Variants in LHX3 observed in about 807,000 individuals in gnomAD.
LHX3 encodes LIM/homeobox protein Lhx3.
LHX3 carries 21 observed loss-of-function variants against 32.4 expected under a neutral mutation model. The ratio of observed to expected loss-of-function variants is 0.65; its 90% CI spans 0.46 to 0.93. LHX3 has a LOEUF of 0.93. LHX3 is among the 40% of genes least tolerant of loss of function. The probability of loss-of-function intolerance (pLI) is 0.00; values close to 1 mark genes in which losing one functional copy is unlikely to be tolerated. For synonymous variants in LHX3, 258 were observed against 246.8 expected (o/e 1.05, Z -0.43); for missense variants, 626 against 560.0 (o/e 1.12, Z -1.19).
chr9:136,205,033 G>A lies in LHX3; in HGVS notation c.-21C>T. ...AGCATCGCGGCCACCAGGCCGAGTGGCGCGAGACGCGCTCCTCCTAGGTCA... is the reference window on the plus strand; with the variant it reads ...AGCATCGCGGCCACCAGGCCGAGTGACGCGAGACGCGCTCCTCCTAGGTCA... On this transcript the variant is annotated 5_prime_UTR_variant, in exon 1 of 6. Coordinates refer to ENST00000371748, the MANE Select transcript of LHX3 (RefSeq NM_178138.6). The A allele has an allele frequency of 6.4e-7, 1 of 1,557,934 alleles. No homozygotes were observed. Among genetic ancestry groups the A allele is most frequent in the African/African-American group, 1.3e-5 (1 of 74,086 alleles).
intron 3 of LHX3, 23 bp downstream of exon 3, chr9:136,199,655 G>A: frequency 6.2e-7 from 1 of 1,611,742 alleles, no homozygotes; most frequent in Non-Finnish European, 8.5e-7. Flanking sequence ...AGGAAAGGTG[G>A]GAGCGTCGTC....
At chr9:136,198,870 A>G (rs1485615348) in intron 4 of LHX3, 38 bp downstream of exon 4, 3 of 1,592,216 alleles carry the variant, frequency 1.9e-6, no homozygotes, top group Non-Finnish European at 2.6e-6. Context: ...GGGGCCCCCA[A>G]GGCCGCGGGC....
chr9:136,201,735 T>TC (rs1186756830), intron 1 of LHX3: 2 of 979,566 alleles, frequency 2.0e-6, no homozygotes, highest in Non-Finnish European at 1.2e-6. Context: ...GGGCTGCGCC[T>TC]CCCCACGCAG....
chr9:136,198,228 T>C (rs1831543735), intron 5 of LHX3, among the ~76,000 whole-genome samples: 1 of 152,188 alleles, frequency 6.6e-6, no homozygotes, highest in African/African-American at 2.4e-5. Flanking sequence ...CAGAAGGGTA[T>C]GGAACCTTCT....
intron 1 of LHX3, chr9:136,202,980 T>C (rs1831681679): frequency 1.3e-6 from 2 of 1,528,918 alleles, no homozygotes; most frequent in African/African-American, 2.8e-5. Flanking sequence ...CCAGCAGTGC[T>C]AGCAGCAGGT....
chr9:136,197,865 A>G lies in LHX3; in HGVS notation c.776-122T>C, dbSNP rs553274077. On this transcript the variant is annotated intron_variant, in intron 5 of 5. Transcript: ENST00000371748. ...GAGTGGCTGCCCCACACCACATGAC[A>G]GGTCATAACAGGCCCCTTCTACTGT... 46 of 998,334 alleles carry G rather than the reference A, an allele frequency of 4.6e-5. No homozygotes were observed. In the African/African-American group the frequency reaches 6.2e-4, roughly 14 times the overall value. The allele number at this position is 998,334 out of a possible 1,614,324, so 61.8% of individuals were successfully genotyped here. A position where few individuals can be genotyped will look rare whatever the true frequency, so the allele number is the denominator to read the frequency against.
chr9:136,202,613 T>C (rs1451825199), intron 1 of LHX3, among the ~76,000 whole-genome samples: 1 of 152,036 alleles, frequency 6.6e-6, no homozygotes, highest in Non-Finnish European at 1.5e-5. Context: ...GGGACCCTCC[T>C]GTCCCGTGGT....
At chr9:136,203,010 G>A in intron 1 of LHX3, 2 of 1,523,732 alleles carry the variant, frequency 1.3e-6, no homozygotes, top group Non-Finnish European at 1.8e-6. Flanking sequence ...CCGACTCCCG[G>A]GCCGGGCCCA....
rs770122578 is a variant in LHX3 at position 136,197,374 on chromosome 9, G to C, written c.1145C>G (p.Pro382Arg). ...ATCCAGCCAGGAGGCGGGGCTGGCAGGGAAGTCGGGGTAACCCCCGCTGCT... is the reference window on the plus strand; with the variant it reads ...ATCCAGCCAGGAGGCGGGGCTGGCACGGAAGTCGGGGTAACCCCCGCTGCT... The part of the protein sequence containing the change: ...TGSSGGYPDF[P>R]ASPASWLDEV... Residue 382 changes from proline to arginine, a missense_variant, in exon 6 of 6, where the codon CCT (proline) becomes CGT (arginine). By Grantham distance (103) the Pro-to-Arg change is moderately radical. Transcript: ENST00000371748. 6.8e-6 allele frequency: 11 copies of C among 1,612,000 alleles called. No individual in the cohort carries two copies. In the South Asian group the frequency reaches 1.2e-4, roughly 18 times the overall value.
chr9:136,205,077 G>A lies in LHX3; in HGVS notation c.-65C>T. The A allele has an allele frequency of 7.2e-7, 1 of 1,390,906 alleles. No individual in the cohort carries two copies. The highest frequency in any genetic ancestry group is 1.3e-5 in the South Asian group (1 of 79,318). The allele number at this position is 1,390,906 out of a possible 1,614,324, so 86.2% of individuals were successfully genotyped here. Reference sequence around the variant, plus strand: ...TAGGTCAGCGTCCCCTGGAGGGTTCGGGGCTCCCAAGTCCCGCCGCGTCGT... The same window carrying A: ...TAGGTCAGCGTCCCCTGGAGGGTTCAGGGCTCCCAAGTCCCGCCGCGTCGT... On this transcript the variant is annotated 5_prime_UTR_variant, in exon 1 of 6. Coordinates refer to ENST00000371748, the MANE Select transcript of LHX3 (RefSeq NM_178138.6).
rs886063701 is a variant in LHX3 at position 136,197,164 on chromosome 9, G to T, written c.*161C>A. ...GAGGAGGGGCCAGGTGGGTCCCTCA[G>T]CCCCCAGAGAGGGAGCTGTGCGGTC... is the stretch of plus-strand genomic sequence containing the variant. On this transcript the variant is annotated 3_prime_UTR_variant, in exon 6 of 6. Coordinates refer to ENST00000371748, the MANE Select transcript of LHX3 (RefSeq NM_178138.6). 5.6e-5 allele frequency: 43 copies of T among 763,920 alleles called. 1 individual carries two copies. The Admixed American group carries it at 9.9e-4, about 18-fold the overall frequency. 47.3% of individuals were successfully genotyped at this position (763,920 alleles called of 1,614,324 possible). A position where few individuals can be genotyped will look rare whatever the true frequency, so the allele number is the denominator to read the frequency against.
intron 1 of LHX3, chr9:136,201,056 G>T (rs1588627107): frequency 8.5e-7 from 1 of 1,175,472 alleles, no homozygotes; most frequent in Non-Finnish European, 1.2e-6. Flanking sequence ...ACAAAATGTT[G>T]CCAGTGCCAA....
Position 136,197,602 on chromosome 9 carries a change from T to C in LHX3, c.917A>G (p.Tyr306Cys). Reference protein sequence around the residue: ...EHGGLAGPEQYRELRPGSPYG... With the variant: ...EHGGLAGPEQCRELRPGSPYG... ...GGGGCTGCCGGGACGCAGCTCTCGG[T>C]ACTGCTCTGGGCCTGCCAGGCCTCC... The change falls in exon 6 of 6, where the codon TAC (tyrosine) becomes TGC (cysteine). Residue 306 changes from tyrosine to cysteine, a missense_variant. Coordinates refer to ENST00000371748, the MANE Select transcript of LHX3 (RefSeq NM_178138.6). 1 of 1,553,846 alleles carries C rather than the reference T, an allele frequency of 6.4e-7. No individual in the cohort carries two copies.
chr9:136,197,567 G>T lies in LHX3; in HGVS notation c.952C>A (p.Pro318Thr), dbSNP rs749578356. 21 of 1,532,788 alleles carry T rather than the reference G, an allele frequency of 1.4e-5. 1 individual carries two copies. The highest frequency in any genetic ancestry group is 1.8e-5 in the Non-Finnish European group (20 of 1,137,010). The allele number at this position is 1,532,788 out of a possible 1,614,324, so 94.9% of individuals were successfully genotyped here. A position where few individuals can be genotyped will look rare whatever the true frequency, so the allele number is the denominator to read the frequency against. Reference sequence around the variant, plus strand: ...CTCTGCGGGGCGGCGGGGGATGGGGGGACACCGTAGGGGCTGCCGGGACGC... The same window carrying T: ...CTCTGCGGGGCGGCGGGGGATGGGGTGACACCGTAGGGGCTGCCGGGACGC... ...ELRPGSPYGV[P>T]PSPAAPQSLP... The change falls in exon 6 of 6, where the codon CCC (proline) becomes ACC (threonine). Residue 318 changes from proline to threonine, a missense_variant. Coordinates refer to ENST00000371748, the MANE Select transcript of LHX3 (RefSeq NM_178138.6).
Position 136,204,919 on chromosome 9 carries a change from C to A in LHX3, c.79+15G>T. ...CCCTTGCCGTTTCTGTCCTCAGTGT[C>A]CTGCTGGGGCTTACCCCGAGTCCCG... On this transcript the variant is annotated intron_variant, in intron 1 of 5. Coordinates refer to ENST00000371748, the MANE Select transcript of LHX3 (RefSeq NM_178138.6). The A allele has an allele frequency of 6.3e-7, 1 of 1,589,300 alleles. No individual in the cohort carries two copies. The highest frequency in any genetic ancestry group is 8.6e-7 in the Non-Finnish European group (1 of 1,168,666).
chr9:136,197,264 C>T lies in LHX3; in HGVS notation c.*61G>A. 6.3e-7 allele frequency: 1 copy of T among 1,581,306 alleles called. No individual in the cohort carries two copies. The highest frequency in any genetic ancestry group is 2.3e-5 in the East Asian group (1 of 44,370). ...CACTTCCTCGGAAACCCCAGCAGCCCCGAGCCGCCCACCCAGGGGCAGCTC... is the reference window on the plus strand; with the variant it reads ...CACTTCCTCGGAAACCCCAGCAGCCTCGAGCCGCCCACCCAGGGGCAGCTC... On this transcript the variant is annotated 3_prime_UTR_variant, in exon 6 of 6. Coordinates refer to ENST00000371748, the MANE Select transcript of LHX3 (RefSeq NM_178138.6).
At chr9:136,201,540 G>A in intron 1 of LHX3, 1 of 1,119,606 alleles carries the variant, frequency 8.9e-7, no homozygotes, top group East Asian at 4.8e-5. Context: ...CAGGTGTCAA[G>A]GGCTGAGGAC....
chr9:136,199,716 A>G lies in LHX3; in HGVS notation c.416T>C (p.Leu139Pro), dbSNP rs1787471982. 2 of 1,612,848 alleles carry G rather than the reference A, an allele frequency of 1.2e-6. No homozygotes were observed. Among genetic ancestry groups the G allele is most frequent in the Non-Finnish European group, 1.7e-6 (2 of 1,179,884 alleles). The stretch of plus-strand genomic sequence containing the variant: ...GGTTTCGTAGTCCGCCTTGCACACG[A>G]GCCGGCTGTCCTCCATGAGGTAGAA... ...DEFYLMEDSR[L>P]VCKADYETAK... is the part of the protein sequence containing the mutation. Residue 139 changes from leucine (L) to proline (P), a missense_variant, in exon 3 of 6, where the codon CTC (leucine) becomes CCC (proline). By Grantham distance (98) the Leu-to-Pro change is moderately conservative. Transcript: ENST00000371748.
intron 1 of LHX3, among the ~76,000 whole-genome samples, chr9:136,204,700 C>T (rs916076369): frequency 2.0e-5 from 3 of 152,190 alleles, no homozygotes; most frequent in African/African-American, 7.2e-5. Flanking sequence ...GCGATGCCCC[C>T]TTTTTTTCTA....
Sources: gnomAD v4.1 joint callset for allele counts (sites outside exome capture counted in the v4.1 genomes callset) on GRCh38, gnomAD v4.1.1 for gene constraint, MANE v1.5 for transcripts, NCBI Gene and HGNC (gene_info 2026-07-23, HGNC 2026-07-21) for gene names.